The following POLL variants were observed in gnomAD, a reference collection of about 807,000 sequenced individuals.
POLL encodes DNA polymerase lambda, also known as DNA polymerase beta-2.
In POLL, 44 loss-of-function variants were observed where a neutral mutation model predicts 58.1. That is an observed-to-expected ratio of 0.76 (90% confidence interval 0.60 to 0.97). POLL has a LOEUF of 0.97. Ranked by LOEUF, POLL falls within the 50% of genes least tolerant of loss-of-function variation. The pLI is 0.00. For missense variants in POLL, 632 were observed against 736.8 expected, an observed-to-expected ratio of 0.86 and a Z score of 1.65; for synonymous variants, 290 against 283.2, an observed-to-expected ratio of 1.02 and a Z score of -0.24.
chr10:101,580,070 G>T lies in POLL; in HGVS notation c.1363+178C>A. The T allele has an allele frequency of 1.5e-6, 1 of 686,968 alleles. No homozygotes were observed. Among genetic ancestry groups the T allele is most frequent in the Non-Finnish European group, 2.4e-6 (1 of 415,320 alleles). 42.6% of individuals were successfully genotyped at this position (686,968 alleles called of 1,614,324 possible). A position where few individuals can be genotyped will look rare whatever the true frequency, so the allele number is the denominator to read the frequency against. Reference sequence around the variant, plus strand: ...AGCACCTCCACATAGGTGTGGCGGGGCTGTTCCATCTCTCCCTGGAGAGGA... The same window carrying T: ...AGCACCTCCACATAGGTGTGGCGGGTCTGTTCCATCTCTCCCTGGAGAGGA... On this transcript the variant is annotated intron_variant, in intron 8 of 8. Coordinates refer to ENST00000370162, the MANE Select transcript of POLL (RefSeq NM_001174084.2). This position sits in a 1 kb window ranked among gnomAD's most constrained non-coding sequence, Gnocchi z 4.1.
rs1285329816 is a variant in POLL at position 101,588,186 on chromosome 10, C to G, written c.-411G>C. 1 of 1,530,294 alleles carries G rather than the reference C, an allele frequency of 6.5e-7. No individual in the cohort carries two copies. The highest frequency in any genetic ancestry group is 8.8e-7 in the Non-Finnish European group (1 of 1,140,532). 94.8% of individuals were successfully genotyped at this position (1,530,294 alleles called of 1,614,324 possible). ...GCCAAGCTAGTCACCCGGGGGTGGG[C>G]AGGAATAGACCACTTACCAGCAGAG... On this transcript the variant is annotated 5_prime_UTR_variant, in exon 1 of 9. Coordinates refer to ENST00000370162, the MANE Select transcript of POLL (RefSeq NM_001174084.2).
Position 101,588,209 on chromosome 10 carries a change from G to A in POLL, c.-434C>T, listed in dbSNP as rs2063504886. ...GGCAGGAATAGACCACTTACCAGCAGAGCCAATGAGAGCGGACGAAGGGGG... is the reference window on the plus strand; with the variant it reads ...GGCAGGAATAGACCACTTACCAGCAAAGCCAATGAGAGCGGACGAAGGGGG... On this transcript the variant is annotated 5_prime_UTR_variant, in exon 1 of 9. Coordinates refer to ENST00000370162, the MANE Select transcript of POLL (RefSeq NM_001174084.2). 5.8e-6 allele frequency: 9 copies of A among 1,542,536 alleles called. No individual in the cohort carries two copies. The Admixed American group carries it at 5.9e-5, about 10-fold the overall frequency.
chr10:101,580,080 C>A lies in POLL; in HGVS notation c.1363+168G>T. Reference sequence around the variant, plus strand: ...CATAGGTGTGGCGGGGCTGTTCCATCTCTCCCTGGAGAGGATTCCGGCCCC... The same window carrying A: ...CATAGGTGTGGCGGGGCTGTTCCATATCTCCCTGGAGAGGATTCCGGCCCC... On this transcript the variant is annotated intron_variant, in intron 8 of 8. Transcript: ENST00000370162. The surrounding 1 kb of genome is among the most constrained non-coding windows in gnomAD (Gnocchi z 4.1). 1.4e-6 allele frequency: 1 copy of A among 707,002 alleles called. No homozygotes were observed. The highest frequency in any genetic ancestry group is 1.9e-5 in the South Asian group (1 of 52,548). The allele number at this position is 707,002 out of a possible 1,614,324, so 43.8% of individuals were successfully genotyped here.
rs984913364 is a variant in POLL at position 101,579,252 on chromosome 10, GGCTGGGCAGACACTGGGA to G, written c.*183_*200del. On this transcript the variant is annotated 3_prime_UTR_variant, in exon 9 of 9. Coordinates refer to ENST00000370162, the MANE Select transcript of POLL (RefSeq NM_001174084.2). This position sits in a 1 kb window ranked among gnomAD's most constrained non-coding sequence, Gnocchi z 4.4. ...GGCAGCCTGCTCCTGTCTGGGAGAG[GGCTGGGCAGACACTGGGA>G]GCCGGGCAGACACTGGGAGCCGGGC... is the stretch of plus-strand genomic sequence containing the variant. The G allele has an allele frequency of 1.6e-5, 10 of 620,804 alleles. No individual in the cohort carries two copies. Among genetic ancestry groups the G allele is most frequent in the Admixed American group, 9.1e-5 (3 of 32,868 alleles). 38.5% of individuals were successfully genotyped at this position (620,804 alleles called of 1,614,324 possible).
In POLL at chr10:101,582,755, C is replaced by G. The variant is rs1440507694; in HGVS notation, c.1194+8G>C. On this transcript the variant is annotated splice_region_variant and intron_variant, in intron 7 of 8. Coordinates refer to ENST00000370162, the MANE Select transcript of POLL (RefSeq NM_001174084.2). ...GGCTGTCCTCACTGCTCTGGGACACCTGCTTACTGTCTGCTCAATCTCTGT... is the reference window on the plus strand; with the variant it reads ...GGCTGTCCTCACTGCTCTGGGACACGTGCTTACTGTCTGCTCAATCTCTGT... The G allele has an allele frequency of 3.1e-6, 5 of 1,613,416 alleles. No individual in the cohort carries two copies. The highest frequency in any genetic ancestry group is 2.2e-5 in the East Asian group (1 of 44,868).
rs776560563 is a variant in POLL, at chr10:101,585,445, C to T, written c.444G>A (p.Glu148=). 1.3e-6 allele frequency: 2 copies of T among 1,586,500 alleles called. No homozygotes were observed. The highest frequency in any genetic ancestry group is 2.3e-5 in the South Asian group (2 of 85,606). Reference sequence around the variant, plus strand: ...TGCCAGGAGGAATAGAAGCATCCTGCTCTGCCTTGCTGGGCTGTGGATGGT... The same window carrying T: ...TGCCAGGAGGAATAGAAGCATCCTGTTCTGCCTTGCTGGGCTGTGGATGGT... The part of the protein sequence containing the change: ...YLDHPQPSKA[E]QDASIPPGTH... The change falls in exon 4 of 9, where the codon GAG becomes GAA. Residue 148 remains glutamate, a synonymous_variant. Transcript: ENST00000370162.
rs2062866509 is a variant in POLL, at chr10:101,579,665, A to G, written c.1516T>C (p.Phe506Leu). The stretch of plus-strand genomic sequence containing the variant: ...CGGTTGAAGTGTGCAGAGCCGGTGA[A>G]GTAGAGCAGGGCACAGGCAAACTCG... ...YSEFACALLYFTGSAHFNRSM... is the reference protein window; with the variant it reads ...YSEFACALLYLTGSAHFNRSM... Residue 506 changes from phenylalanine (F) to leucine (L), a missense_variant, in exon 9 of 9, where the codon TTC becomes CTC. Physicochemically the swap from Phe to Leu is conservative, Grantham distance 22. Transcript: ENST00000370162. The surrounding 1 kb of genome is among the most constrained non-coding windows in gnomAD (Gnocchi z 4.4). The G allele has an allele frequency of 6.2e-7, 1 of 1,613,738 alleles. No homozygotes were observed. The highest frequency in any genetic ancestry group is 1.3e-5 in the African/African-American group (1 of 74,880).
At chr10:101,581,327 T>G (rs1294007186) in intron 7 of POLL, 1 of 152,252 alleles carries the variant, frequency 6.6e-6, no homozygotes, top group East Asian at 1.9e-4. Flanking sequence ...GGAGGCCAGG[T>G]GGGAAGCCTC....
chr10:101,584,351 T>G (rs544752406), intron 5 of POLL, among the ~76,000 whole-genome samples: 1 of 152,082 alleles, frequency 6.6e-6, no homozygotes, highest in East Asian at 1.9e-4. Flanking sequence ...TAAACAAAAT[T>G]AAAAATAAAA....
At position 101,579,378 on chromosome 10, in the gene POLL, G is replaced by A; in HGVS notation, c.*75C>T. On this transcript the variant is annotated 3_prime_UTR_variant, in exon 9 of 9. Coordinates refer to ENST00000370162, the MANE Select transcript of POLL (RefSeq NM_001174084.2). This position sits in a 1 kb window ranked among gnomAD's most constrained non-coding sequence, Gnocchi z 4.4. ...GGAGCGGCGAGGTTCAGCCAGCTGA[G>A]GCTGGAGGGAGTACTGGGTGGCCAG... 6.7e-7 allele frequency: 1 copy of A among 1,496,392 alleles called. No individual in the cohort carries two copies. The highest frequency in any genetic ancestry group is 8.9e-7 in the Non-Finnish European group (1 of 1,120,238). 92.7% of individuals were successfully genotyped at this position (1,496,392 alleles called of 1,614,324 possible).
At position 101,579,750 on chromosome 10, in the gene POLL, G is replaced by A; in HGVS notation, c.1431C>T (p.Cys477=). Residue 477 remains cysteine, a synonymous_variant, in exon 9 of 9, where the codon TGC becomes TGT. Transcript: ENST00000370162. This position sits in a 1 kb window ranked among gnomAD's most constrained non-coding sequence, Gnocchi z 4.4. ...GCCGCCGCCCTGGCCCTGGGAGCCG[G>A]CACACCCCCAAGTACTTCTGTTGCT... The part of the protein sequence containing the change: ...NGQQQKYLGV[C]RLPGPGRRHR... 1.2e-6 allele frequency: 2 copies of A among 1,613,826 alleles called. No individual in the cohort carries two copies. Among genetic ancestry groups the A allele is most frequent in the South Asian group, 1.1e-5 (1 of 91,060 alleles).
chr10:101,582,725 G>A (rs1413128978), intron 7 of POLL, 38 bp downstream of exon 7: 1 of 1,605,252 alleles, frequency 6.2e-7, no homozygotes, highest in Non-Finnish European at 8.5e-7. Context: ...CTTACAGCAG[G>A]ACCTGGCTGT....
At position 101,583,496 on chromosome 10, in the gene POLL, C is replaced by T; in HGVS notation, c.1065+12G>A. On this transcript the variant is annotated intron_variant, in intron 6 of 8. Transcript: ENST00000370162. ...CAGCAAAACTGAAGTAGGGGCTGAG[C>T]CAGGGTGTGACCTGTTGGTACCACA... 1.2e-6 allele frequency: 2 copies of T among 1,612,060 alleles called. No homozygotes were observed. The highest frequency in any genetic ancestry group is 1.7e-6 in the Non-Finnish European group (2 of 1,179,784).
chr10:101,584,597 G>A lies in POLL; in HGVS notation c.891+5C>T, dbSNP rs764767835. The stretch of plus-strand genomic sequence containing the variant: ...ACCCCTCCTCCCACTCTAGCCCCTG[G>A]GTACCTGGTACGAGGTGACAGGCTT... On this transcript the variant is annotated splice_donor_5th_base_variant and intron_variant, in intron 5 of 8. Coordinates refer to ENST00000370162, the MANE Select transcript of POLL (RefSeq NM_001174084.2). 1.3e-6 allele frequency: 2 copies of A among 1,539,002 alleles called. No homozygotes were observed. Among genetic ancestry groups the A allele is most frequent in the South Asian group, 2.5e-5 (2 of 79,302 alleles).
rs2062890774 is a variant in POLL, at chr10:101,579,973, G to T, written c.1364-156C>A. ...CCCTTCTCCTTTTCTGTAAAACATG[G>T]ATAGTAATTCCCATCTCCCCCATAG... On this transcript the variant is annotated intron_variant, in intron 8 of 8. Transcript: ENST00000370162. The surrounding 1 kb of genome is among the most constrained non-coding windows in gnomAD (Gnocchi z 4.4). 3 of 830,854 alleles carry T rather than the reference G, an allele frequency of 3.6e-6. No individual in the cohort carries two copies. The highest frequency in any genetic ancestry group is 5.5e-6 in the Non-Finnish European group (3 of 543,500). 51.5% of individuals were successfully genotyped at this position (830,854 alleles called of 1,614,324 possible).
In POLL at chr10:101,579,492, T is replaced by C. The variant is rs780631185; in HGVS notation, c.1689A>G (p.Leu563=). 6.2e-7 allele frequency: 1 copy of C among 1,612,792 alleles called. No individual in the cohort carries two copies. The highest frequency in any genetic ancestry group is 1.1e-5 in the South Asian group (1 of 91,010). ...CAGCAGGTTCTCGGTAGGGGAGGCC[T>C]AAGAGCCTGAAGACATCCTTCTCAG... ...TPTEKDVFRL[L]GLPYREPAER... is the part of the protein sequence containing the mutation. The change falls in exon 9 of 9, where the codon TTA becomes TTG. Residue 563 remains leucine, a synonymous_variant. Coordinates refer to ENST00000370162, the MANE Select transcript of POLL (RefSeq NM_001174084.2). The surrounding 1 kb of genome is among the most constrained non-coding windows in gnomAD (Gnocchi z 4.4).
chr10:101,587,613 G>A (rs1227961207), intron 1 of POLL: 2 of 1,076,960 alleles, frequency 1.9e-6, no homozygotes, highest in Admixed American at 3.1e-5. Flanking sequence ...GGAAATGAGG[G>A]GAAGGCTGGT....
At chr10:101,586,200 T>G in intron 2 of POLL, 44 bp from the exon 3 acceptor site, 1 of 1,549,526 alleles carries the variant, frequency 6.5e-7, no homozygotes, top group Non-Finnish European at 8.8e-7. Context: ...AACTTTTTAA[T>G]TTTTATCTGC....
rs149081648 is a variant in POLL at position 101,580,286 on chromosome 10, C to T, written c.1325G>A (p.Gly442Asp). The T allele has an allele frequency of 4.3e-6, 7 of 1,613,884 alleles. No homozygotes were observed. The highest frequency in any genetic ancestry group is 4.0e-5 in the African/African-American group (3 of 74,948). ...ITHPDGRSHR[G>D]IFSRLLDSLR... The stretch of plus-strand genomic sequence containing the variant: ...ACTGTCAAGGAGGCGGCTGAAGATA[C>T]CCCGGTGGGACCGGCCATCTGGGTG... The change falls in exon 8 of 9, where the codon GGT (glycine) becomes GAT (aspartate). Residue 442 changes from glycine (G) to aspartate (D), a missense_variant. Coordinates refer to ENST00000370162, the MANE Select transcript of POLL (RefSeq NM_001174084.2). This position sits in a 1 kb window ranked among gnomAD's most constrained non-coding sequence, Gnocchi z 4.1.
Sources: gnomAD v4.1 joint callset for allele counts (sites outside exome capture counted in the v4.1 genomes callset) on GRCh38, gnomAD v4.1.1 for gene constraint, Gnocchi (gnomAD v3.1) non-coding constraint, MANE v1.5 for transcripts, NCBI Gene and HGNC (gene_info 2026-07-23, HGNC 2026-07-21) for gene names.